Variants in HECTD4 observed in about 807,000 individuals in gnomAD.
HECTD4 encodes the protein probable E3 ubiquitin-protein ligase HECTD4.
Under a neutral mutation model 471.5 loss-of-function variants are expected in HECTD4, and 114 were observed. The observed-to-expected ratio is 0.24, with a 90% CI of 0.21 to 0.28. The LOEUF is 0.28. Among genes scored for constraint, HECTD4 ranks in the 10% least tolerant of loss-of-function variants. The probability of loss-of-function intolerance (pLI) is 1.00; values close to 1 mark genes in which losing one functional copy is unlikely to be tolerated. For missense variants in HECTD4, 3,866 were observed against 5,651.5 expected, an observed-to-expected ratio of 0.68 and a Z score of 10.13; for synonymous variants, 2,012 against 2,256.0, an observed-to-expected ratio of 0.89 and a Z score of 3.07.
rs2032155067 is a variant in HECTD4, at chr12:112,193,728, T to C, written c.8750-54A>G. On this transcript the variant is annotated intron_variant, in intron 56 of 75. Transcript: ENST00000682272. The surrounding 1 kb of genome is among the most constrained non-coding windows in gnomAD (Gnocchi z 5.2). ...CAAGAATCAAAGCAGCCAGTAGCTG[T>C]GAGAGTCTAAGTAACAGAAAATGAA... 3 of 1,501,678 alleles carry C rather than the reference T, an allele frequency of 2.0e-6. No individual in the cohort carries two copies. The East Asian group carries it at 7.1e-5, about 36-fold the overall frequency. 93.0% of individuals were successfully genotyped at this position (1,501,678 alleles called of 1,614,324 possible). A position where few individuals can be genotyped will look rare whatever the true frequency, so the allele number is the denominator to read the frequency against.
At position 112,290,857 on chromosome 12, in the gene HECTD4, AC is replaced by A. The variant is rs1190332529; in HGVS notation, c.1336-7556del. On this transcript the variant is annotated intron_variant, in intron 7 of 75. Transcript: ENST00000682272. Reference sequence around the variant, plus strand: ...GAGCGAAACTCCGTCTCAAAAAAAAACAAAACAAAAAAAAAAAACAAATCAC... The same window carrying A: ...GAGCGAAACTCCGTCTCAAAAAAAAAAAAACAAAAAAAAAAAACAAATCAC... Among the ~76,000 whole-genome samples, 97 of 147,378 alleles carry A rather than the reference AC, an allele frequency of 6.6e-4. 8 individuals are homozygous for A. Among genetic ancestry groups the A allele is most frequent in the East Asian group, 4.7e-3 (22 of 4,698 alleles).
At chr12:112,373,387 G>A (rs180776190) in intron 1 of HECTD4, among the ~76,000 whole-genome samples, 1 of 151,966 alleles carries the variant, frequency 6.6e-6, no homozygotes, top group Non-Finnish European at 1.5e-5. Context: ...ACAAAAAATA[G>A]CCAGGTGTGG....
At chr12:112,364,732 A>G (rs901705601) in intron 1 of HECTD4, among the ~76,000 whole-genome samples, 2 of 152,216 alleles carry the variant, frequency 1.3e-5, no homozygotes, top group Non-Finnish European at 2.9e-5. Flanking sequence ...ACCCTGTCTC[A>G]ATAAAAAAAT....
chr12:112,246,874 C>T (rs537598030), intron 29 of HECTD4, 27 bp downstream of exon 29: 14 of 1,591,560 alleles, frequency 8.8e-6, no homozygotes, highest in South Asian at 4.5e-5. Context: ...TAACAGAAGC[C>T]GATTAGGGGC....
At chr12:112,325,821 T>G (rs2035730868) in intron 1 of HECTD4, among the ~76,000 whole-genome samples, 2 of 151,956 alleles carry the variant, frequency 1.3e-5, no homozygotes, top group South Asian at 4.2e-4. Context: ...CCGTTTTTTT[T>G]TTTTTCTTTT....
chr12:112,185,383 C>G lies in HECTD4; in HGVS notation c.9583G>C (p.Ala3195Pro), dbSNP rs555703339. 7 of 1,611,510 alleles carry G rather than the reference C, an allele frequency of 4.3e-6. No homozygotes were observed. The highest frequency in any genetic ancestry group is 5.9e-6 in the Non-Finnish European group (7 of 1,179,084). ...AGGGCGATTGAGGAGGACAGGCCAG[C>G]GGGGTGCCGCCTCTGCTCCAGGGTG... is the stretch of plus-strand genomic sequence containing the variant. ...VHTLEQRRHP[A>P]GLSSSIALQL... The change falls in exon 61 of 76, where the codon GCT (alanine) becomes CCT (proline). Residue 3195 changes from alanine to proline, a missense_variant. Ala to Pro is a conservative substitution (Grantham distance 27). Coordinates refer to ENST00000682272, the MANE Select transcript of HECTD4 (RefSeq NM_001388303.1).
intron 11 of HECTD4, 75 bp downstream of exon 11, chr12:112,273,580 C>T: frequency 7.1e-7 from 1 of 1,408,258 alleles, no homozygotes; most frequent in South Asian, 1.2e-5. Flanking sequence ...GCTATGTTTT[C>T]ACCTACTAAT....
rs2031823476 is a variant in HECTD4 at position 112,185,374 on chromosome 12, A to C, written c.9592T>G (p.Ser3198Ala). The C allele has an allele frequency of 6.2e-7, 1 of 1,610,506 alleles. No individual in the cohort carries two copies. The highest frequency in any genetic ancestry group is 2.2e-5 in the East Asian group (1 of 44,860). Residue 3198 changes from serine (S) to alanine (A), a missense_variant, in exon 61 of 76, where the codon TCC (serine) becomes GCC (alanine). Ser to Ala is a moderately conservative substitution (Grantham distance 99). Transcript: ENST00000682272. ...LEQRRHPAGL[S>A]SSIALQLNPC... ...TTCAGCTGGAGGGCGATTGAGGAGG[A>C]CAGGCCAGCGGGGTGCCGCCTCTGC...
rs749138249 is a variant in HECTD4, at chr12:112,258,540, C to T, written c.3084G>A (p.Pro1028=). ...CPVFAEVGCS[P]CGAPDQKCRL... Reference sequence around the variant, plus strand: ...TGCACTTCTGGTCTGGTGCACCACACGGGGAACAGCCCACCTCAGCAAAAA... The same window carrying T: ...TGCACTTCTGGTCTGGTGCACCACATGGGGAACAGCCCACCTCAGCAAAAA... The change falls in exon 20 of 76, where the codon CCG becomes CCA. Residue 1028 remains proline, a synonymous_variant. Coordinates refer to ENST00000682272, the MANE Select transcript of HECTD4 (RefSeq NM_001388303.1). The T allele has an allele frequency of 2.2e-5, 35 of 1,605,386 alleles. No homozygotes were observed. Among genetic ancestry groups the T allele is most frequent in the Admixed American group, 2.1e-4 (12 of 58,366 alleles).
Position 112,179,289 on chromosome 12 carries a change from G to A in HECTD4, c.11096C>T (p.Ser3699Phe), listed in dbSNP as rs145041031. ...CTGCTCTTTGCTAAGATAAATGTCAGAGACTCTGATGGGCTTCGCTGGTGT... is the reference window on the plus strand; with the variant it reads ...CTGCTCTTTGCTAAGATAAATGTCAAAGACTCTGATGGGCTTCGCTGGTGT... ...SLTPAKPIRV[S>F]DIYLSKEQIN... Residue 3699 changes from serine to phenylalanine, a missense_variant, in exon 63 of 76, where the codon TCT becomes TTT. By Grantham distance (155) the Ser-to-Phe change is radical (BLOSUM62 -2). Transcript: ENST00000682272. The surrounding 1 kb of genome is among the most constrained non-coding windows in gnomAD (Gnocchi z 4.3). 87 of 1,613,604 alleles carry A rather than the reference G, an allele frequency of 5.4e-5. No homozygotes were observed. In the East Asian group the frequency reaches 1.9e-3, roughly 36 times the overall value.
At chr12:112,379,071 C>T (rs901441038) in intron 1 of HECTD4, among the ~76,000 whole-genome samples, 3 of 151,948 alleles carry the variant, frequency 2.0e-5, no homozygotes, top group African/African-American at 2.4e-5. Context: ...TAATAGACCA[C>T]GAATCTTCCT....
At chr12:112,314,163 C>T (rs1377701645) in intron 3 of HECTD4, among the ~76,000 whole-genome samples, 1 of 152,092 alleles carries the variant, frequency 6.6e-6, no homozygotes, top group East Asian at 1.9e-4. Context: ...TTCAGCCTCC[C>T]TAGTAGCTGG....
In HECTD4 at chr12:112,184,498, T is replaced by TGGTGGA. The variant is rs2031788020; in HGVS notation, c.10462_10467dup (p.Thr3489_Ser3490dup). 2 of 1,609,250 alleles carry TGGTGGA rather than the reference T, an allele frequency of 1.2e-6. No individual in the cohort carries two copies. The highest frequency in any genetic ancestry group is 1.7e-6 in the Non-Finnish European group (2 of 1,178,186). On this transcript the variant is annotated inframe_insertion, in exon 61 of 76. Transcript: ENST00000682272. This position sits in a 1 kb window ranked among gnomAD's most constrained non-coding sequence, Gnocchi z 9.1. ...TGCGAGCTGCAGATGGAGGCCTGGC[T>TGGTGGA]GGTGGAGGCGGAGGCGCTGATGCTC...
chr12:112,346,856 CAG>C lies in HECTD4; in HGVS notation c.178-27116_178-27115del, dbSNP rs560300778. Among the ~76,000 whole-genome samples the C allele has an allele frequency of 3.2e-3, 488 of 152,300 alleles. 1 individual carries two copies. The highest frequency in any genetic ancestry group is 5.2e-3 in the Non-Finnish European group (351 of 68,038). On this transcript the variant is annotated intron_variant, in intron 1 of 75. Transcript: ENST00000682272. ...GAGACAGAATTTCACATTCCTAAAT[CAG>C]AGCTTTCCTAGCTCTTAATTATCAA... is the stretch of plus-strand genomic sequence containing the variant.
chr12:112,304,238 ATTTTTTTTTTT>A (rs760947859), intron 7 of HECTD4, among the ~76,000 whole-genome samples: 2 of 104,380 alleles, frequency 1.9e-5, no homozygotes, highest in Admixed American at 1.1e-4. Flanking sequence ...TAAAGACCTA[ATTTTTTTTTTT>A]TTTTTTTTTT....
chr12:112,302,089 G>T (rs772910911), intron 7 of HECTD4: 11 of 1,376,278 alleles, frequency 8.0e-6, no homozygotes, highest in Admixed American at 1.7e-5. Flanking sequence ...TCTTCCTGTG[G>T]ACTAGACGGC....
chr12:112,297,876 A>T (rs1472256924), intron 7 of HECTD4, among the ~76,000 whole-genome samples: 1 of 152,146 alleles, frequency 6.6e-6, no homozygotes, highest in African/African-American at 2.4e-5. Context: ...TCAACTAAGA[A>T]GTTAAGACAG....
intron 20 of HECTD4, among the ~76,000 whole-genome samples, chr12:112,257,367 A>G (rs1229067243): frequency 6.6e-6 from 1 of 152,246 alleles, no homozygotes; most frequent in African/African-American, 2.4e-5. Context: ...TCAATTCCAT[A>G]GCCTGCTGCT....
intron 10 of HECTD4, among the ~76,000 whole-genome samples, chr12:112,274,319 T>A (rs1334084766): frequency 6.6e-6 from 1 of 152,230 alleles, no homozygotes; most frequent in African/African-American, 2.4e-5. Context: ...TCACACAACC[T>A]AATCAATAGT....
Sources: allele counts gnomAD v4.1 joint callset (sites outside exome capture counted in the v4.1 genomes callset), GRCh38; gene constraint gnomAD v4.1.1; non-coding constraint Gnocchi (gnomAD v3.1); transcripts MANE v1.5; gene names NCBI Gene and HGNC (gene_info 2026-07-23, HGNC 2026-07-21).